The following NOA1 variants were observed in gnomAD, a reference collection of about 807,000 sequenced individuals.
The protein encoded by NOA1 is nitric oxide-associated protein 1.
In NOA1, 35 loss-of-function variants were observed where a neutral mutation model predicts 58.4. The ratio of observed to expected loss-of-function variants is 0.60; its 90% CI spans 0.46 to 0.79. The LOEUF (loss-of-function observed/expected upper bound fraction) is 0.79, where lower values mean the gene tolerates loss of function less well. NOA1 is among the 30% of genes least tolerant of loss of function. The pLI is 0.00. For synonymous variants in NOA1, 397 were observed against 373.4 expected (o/e 1.06, Z -0.73); for missense variants, 895 against 894.6 (o/e 1.00, Z -0.01).
Position 56,977,107 on chromosome 4 carries a change from G to T in NOA1, c.479C>A (p.Pro160His). Reference protein sequence around the residue: ...CQDAGVPGYLPREKFLRTAEA... With the variant: ...CQDAGVPGYLHREKFLRTAEA... ...CGCCGTGCGGAGGAACTTCTCTCGG[G>T]GCAGGTAGCCGGGCACTCCGGCGTC... The change falls in exon 1 of 7, where the codon CCC (proline) becomes CAC (histidine). Residue 160 changes from proline to histidine, a missense_variant. Coordinates refer to ENST00000264230, the MANE Select transcript of NOA1 (RefSeq NM_032313.4). The T allele has an allele frequency of 6.4e-7, 1 of 1,563,104 alleles. No individual in the cohort carries two copies. Among genetic ancestry groups the T allele is most frequent in the Non-Finnish European group, 8.6e-7 (1 of 1,157,380 alleles).
rs1208340253 is a variant in NOA1 at position 56,976,669 on chromosome 4, G to C, written c.917C>G (p.Ser306Cys). ...DGENPNPPNW[S>C]RTVVRDVRLI... Reference sequence around the variant, plus strand: ...CCGCACGTCCCTGACCACTGTGCGGGACCAGTTCGGCGGATTCGGATTCTC... The same window carrying C: ...CCGCACGTCCCTGACCACTGTGCGGCACCAGTTCGGCGGATTCGGATTCTC... The change falls in exon 1 of 7, where the codon TCC becomes TGC. Residue 306 changes from serine to cysteine, a missense_variant. By Grantham distance (112) the Ser-to-Cys change is moderately radical (BLOSUM62 -1). Transcript: ENST00000264230. 3.7e-6 allele frequency: 6 copies of C among 1,613,808 alleles called. No homozygotes were observed. Among genetic ancestry groups the C allele is most frequent in the Admixed American group, 1.7e-5 (1 of 60,032 alleles).
At chr4:56,964,313 C>T in intron 6 of NOA1, 93 bp downstream of exon 6, 3 of 1,468,284 alleles carry the variant, frequency 2.0e-6, no homozygotes, top group Non-Finnish European at 2.8e-6. Context: ...GTGATCCGCC[C>T]ACCTCGGCCT....
intron 4 of NOA1, among the ~76,000 whole-genome samples, chr4:56,967,161 C>A (rs1721726349): frequency 6.6e-6 from 1 of 151,918 alleles, no homozygotes; most frequent in Non-Finnish European, 1.5e-5. Flanking sequence ...GTGGGTGAAT[C>A]CCTTGAGCTC....
At chr4:56,965,835 C>CCTTTTT (rs372327597) in intron 5 of NOA1, among the ~76,000 whole-genome samples, 1 of 115,082 alleles carries the variant, frequency 8.7e-6, no homozygotes, top group African/African-American at 3.3e-5. Context: ...TAAATTTTCC[C>CCTTTTT]TTTTTTTTTT....
chr4:56,976,623 G>A lies in NOA1; in HGVS notation c.963C>T (p.Gly321=). The change falls in exon 1 of 7, where the codon GGC becomes GGT. Residue 321 remains glycine, a synonymous_variant. Transcript: ENST00000264230. ...RDVRLISAKT[G]YGVEELISAL... is the part of the protein sequence containing the mutation. ...CAGAGATCAACTCTTCCACTCCATA[G>A]CCGGTCTTGGCGCTGATCAGCCGCA... 1 of 1,614,242 alleles carries A rather than the reference G, an allele frequency of 6.2e-7. No homozygotes were observed. Among genetic ancestry groups the A allele is most frequent in the South Asian group, 1.1e-5 (1 of 91,092 alleles).
intron 1 of NOA1, among the ~76,000 whole-genome samples, 174 bp from the exon 2 acceptor site, chr4:56,974,196 TC>T (rs1353537495): frequency 6.6e-6 from 1 of 152,232 alleles, no homozygotes; most frequent in Non-Finnish European, 1.5e-5. Flanking sequence ...AGAATTGGAA[TC>T]CAAAATCTGT....
At chr4:56,971,133 C>T (rs77747605) in intron 3 of NOA1, among the ~76,000 whole-genome samples, 59 of 151,890 alleles carry the variant, frequency 3.9e-4, no homozygotes, top group African/African-American at 1.4e-3. Context: ...GCCAACATGG[C>T]GAAACCCTGT....
intron 6 of NOA1, among the ~76,000 whole-genome samples, chr4:56,964,066 C>T (rs535984629): frequency 1.3e-5 from 2 of 150,786 alleles, no homozygotes; most frequent in Non-Finnish European, 3.0e-5. Context: ...GCTTTATTCA[C>T]TTTTTGTTTT....
Position 56,966,746 on chromosome 4 carries a change from G to T in NOA1, c.1648-10C>A. ...AAGCTGACTGATTTCCCTTAAGAAAGGAAGAAGTTATCTGACCTGGTGAAA... is the reference window on the plus strand; with the variant it reads ...AAGCTGACTGATTTCCCTTAAGAAATGAAGAAGTTATCTGACCTGGTGAAA... On this transcript the variant is annotated splice_polypyrimidine_tract_variant and intron_variant, in intron 4 of 6. Coordinates refer to ENST00000264230, the MANE Select transcript of NOA1 (RefSeq NM_032313.4). 1 of 1,570,706 alleles carries T rather than the reference G, an allele frequency of 6.4e-7. No individual in the cohort carries two copies. Among genetic ancestry groups the T allele is most frequent in the East Asian group, 2.2e-5 (1 of 44,622 alleles).
chr4:56,968,363 A>AAT, intron 4 of NOA1, 21 bp downstream of exon 4: 1 of 1,597,870 alleles, frequency 6.3e-7, no homozygotes, highest in Non-Finnish European at 8.5e-7. Flanking sequence ...ATCATTTTTT[A>AAT]ATAGTACAGA....
chr4:56,976,119 A>G (rs1721915752), intron 1 of NOA1, among the ~76,000 whole-genome samples: 2 of 152,220 alleles, frequency 1.3e-5, no homozygotes, highest in Non-Finnish European at 2.9e-5. Context: ...ACTTTCTGGA[A>G]CAATATACAA....
At chr4:56,964,156 C>A (rs543884249) in intron 6 of NOA1, among the ~76,000 whole-genome samples, 2 of 151,764 alleles carry the variant, frequency 1.3e-5, no homozygotes, top group Admixed American at 1.3e-4. Flanking sequence ...CAACCTCCGC[C>A]TCCTGGGTTC....
At position 56,977,129 on chromosome 4, in the gene NOA1, C is replaced by A. The variant is rs3733306; in HGVS notation, c.457G>T (p.Ala153Ser). 76,511 of 1,553,420 alleles carry A rather than the reference C, an allele frequency of 0.049. 3,702 individuals are homozygous for A. Among genetic ancestry groups the A allele is most frequent in the Admixed American group, 0.23 (12,158 of 52,882 alleles). Reference sequence around the variant, plus strand: ...CGGGGCAGGTAGCCGGGCACTCCGGCGTCCTGGCAGTGCAGCTCTGCCCCA... The same window carrying A: ...CGGGGCAGGTAGCCGGGCACTCCGGAGTCCTGGCAGTGCAGCTCTGCCCCA... The part of the protein sequence containing the change: ...GCGAELHCQD[A>S]GVPGYLPREK... Residue 153 changes from alanine to serine, a missense_variant, in exon 1 of 7, where the codon GCC becomes TCC. Transcript: ENST00000264230.
intron 4 of NOA1, among the ~76,000 whole-genome samples, chr4:56,967,137 T>A (rs1329400386): frequency 1.3e-5 from 2 of 151,900 alleles, no homozygotes; most frequent in Non-Finnish European, 2.9e-5. Flanking sequence ...ATCCCAGCAT[T>A]TTGGAAGGCC....
At chr4:56,971,312 T>C in intron 3 of NOA1, among the ~76,000 whole-genome samples, 1 of 58,540 alleles carries the variant, frequency 1.7e-5, no homozygotes, top group Non-Finnish European at 2.8e-5. Context: ...TCAGACTCCA[T>C]CTCAAAAAAA....
Sources: gnomAD v4.1 joint callset for allele counts (sites outside exome capture counted in the v4.1 genomes callset) on GRCh38, gnomAD v4.1.1 for gene constraint, MANE v1.5 for transcripts, NCBI Gene and HGNC (gene_info 2026-07-23, HGNC 2026-07-21) for gene names.